The following SYBU variants were observed in gnomAD, a reference collection of about 807,000 sequenced individuals.
SYBU encodes the protein GOLSYN A protein.
In SYBU, 21 loss-of-function variants were observed where a neutral mutation model predicts 35.9. That is an observed-to-expected ratio of 0.58 (90% CI 0.41 to 0.84). SYBU has a LOEUF of 0.84. SYBU is among the 40% of genes least tolerant of loss of function. SYBU has a pLI of 0.00. For synonymous variants in SYBU, 319 were observed against 324.3 expected, an observed-to-expected ratio of 0.98 and a Z score of 0.18; for missense variants, 768 against 848.2, an observed-to-expected ratio of 0.91 and a Z score of 1.17.
At chr8:109,606,173 T>C (rs1317790021) in intron 3 of SYBU, among the ~76,000 whole-genome samples, 1 of 152,222 alleles carries the variant, frequency 6.6e-6, no homozygotes, top group Non-Finnish European at 1.5e-5. Context: ...ACATAGTAGA[T>C]TCTTAGTAAG....
At chr8:109,598,945 T>G (rs920966975) in intron 3 of SYBU, among the ~76,000 whole-genome samples, 1 of 152,184 alleles carries the variant, frequency 6.6e-6, no homozygotes, top group Non-Finnish European at 1.5e-5. Flanking sequence ...AGCCCTTATG[T>G]GGGGATCTGA....
chr8:109,677,366 G>C (rs1325627116), intron 1 of SYBU, among the ~76,000 whole-genome samples: 1 of 152,014 alleles, frequency 6.6e-6, no homozygotes, highest in East Asian at 1.9e-4. Flanking sequence ...TTAACAATTA[G>C]ACAAATTAAT....
chr8:109,690,358 C>T (rs567318150), intron 1 of SYBU, among the ~76,000 whole-genome samples: 3 of 152,346 alleles, frequency 2.0e-5, no homozygotes, highest in Admixed American at 6.5e-5. Flanking sequence ...AAAAGGCAAA[C>T]ATTCCTAACA....
chr8:109,621,585 A>G (rs1812406939), intron 2 of SYBU, among the ~76,000 whole-genome samples: 1 of 152,246 alleles, frequency 6.6e-6, no homozygotes, highest in Non-Finnish European at 1.5e-5. Context: ...TCATTGGTTA[A>G]ATGAATATGT....
intron 4 of SYBU, among the ~76,000 whole-genome samples, chr8:109,583,702 C>T (rs1823293633): frequency 6.6e-6 from 1 of 152,028 alleles, no homozygotes; most frequent in Non-Finnish European, 1.5e-5. Flanking sequence ...AGAGGAGCTG[C>T]CCCCCCATGC....
At chr8:109,686,506 T>C (rs1247296143) in intron 1 of SYBU, among the ~76,000 whole-genome samples, 1 of 152,168 alleles carries the variant, frequency 6.6e-6, no homozygotes, top group Non-Finnish European at 1.5e-5. Flanking sequence ...TTCCATACCA[T>C]TTAAAGTTAA....
chr8:109,618,858 T>C lies in SYBU; in HGVS notation c.411A>G (p.Ser137=), dbSNP rs1812114459. The change falls in exon 3 of 7, where the codon TCA becomes TCG. Residue 137 remains serine (S), a synonymous_variant. Coordinates refer to ENST00000276646, the MANE Select transcript of SYBU (RefSeq NM_001099754.2). ...QSSRYKKESK[S]GLVKPGSEAD... ...TTCACTGACCTGGTTTCACAAGGCC[T>C]GACTTTGATTCCTTCTTATATCGAG... is the stretch of plus-strand genomic sequence containing the variant. 1.2e-6 allele frequency: 2 copies of C among 1,614,058 alleles called. No individual in the cohort carries two copies. The highest frequency in any genetic ancestry group is 1.7e-6 in the Non-Finnish European group (2 of 1,179,994).
At chr8:109,577,095 C>A (rs1017400747) in intron 6 of SYBU, among the ~76,000 whole-genome samples, 4 of 152,102 alleles carry the variant, frequency 2.6e-5, no homozygotes, top group African/African-American at 9.7e-5. Context: ...CAGTCTGCAC[C>A]CTTACCTGCC....
chr8:109,684,386 T>C (rs1410013782), upstream of SYBU, among the ~76,000 whole-genome samples: 1 of 152,220 alleles, frequency 6.6e-6, no homozygotes, highest in African/African-American at 2.4e-5. Flanking sequence ...ACTTCATTAG[T>C]GGTAAGAGCT....
rs1181162350 is a variant in SYBU at position 109,574,137 on chromosome 8, TTG to T, written c.*767_*768del. On this transcript the variant is annotated 3_prime_UTR_variant, in exon 7 of 7. Coordinates refer to ENST00000276646, the MANE Select transcript of SYBU (RefSeq NM_001099754.2). ...ATAAAGATGTAAGATCTGCTATTCA[TTG>T]TCTTTCTTATACATAGAAGTAAAAT... 3 of 152,272 alleles carry T rather than the reference TTG, an allele frequency of 2.0e-5. No homozygotes were observed. The highest frequency in any genetic ancestry group is 4.4e-5 in the Non-Finnish European group (3 of 68,042). The allele number at this position is 152,272 out of a possible 1,614,324, so 9.4% of individuals were successfully genotyped here. A position where few individuals can be genotyped will look rare whatever the true frequency, so the allele number is the denominator to read the frequency against.
chr8:109,682,109 C>A (rs558473699), upstream of SYBU, among the ~76,000 whole-genome samples: 1 of 152,182 alleles, frequency 6.6e-6, no homozygotes, highest in Admixed American at 6.6e-5. Flanking sequence ...ATTAGCAGCA[C>A]GAGAATAGAC....
intron 1 of SYBU, among the ~76,000 whole-genome samples, chr8:109,664,538 T>C (rs1187076220): frequency 1.3e-5 from 2 of 152,274 alleles, no homozygotes; most frequent in Non-Finnish European, 2.9e-5. Flanking sequence ...TACTTTTTTT[T>C]CTCAGAAAAT....
intron 3 of SYBU, among the ~76,000 whole-genome samples, chr8:109,606,340 T>C (rs909111085): frequency 3.9e-5 from 6 of 152,250 alleles, no homozygotes; most frequent in African/African-American, 1.4e-4. Flanking sequence ...GTATGCCATA[T>C]GCCATTGATT....
intron 3 of SYBU, among the ~76,000 whole-genome samples, chr8:109,588,122 A>G (rs558532973): frequency 6.6e-6 from 1 of 152,360 alleles, no homozygotes; most frequent in South Asian, 2.1e-4. Context: ...AGTTACAGCC[A>G]TCAGGTTTAA....
chr8:109,611,525 G>A (rs1030895734), intron 3 of SYBU, among the ~76,000 whole-genome samples: 6 of 152,130 alleles, frequency 3.9e-5, no homozygotes, highest in African/African-American at 1.2e-4. Context: ...ACTATAAAAT[G>A]GCCTGCCATA....
At chr8:109,677,867 G>A (rs1320592200) in intron 1 of SYBU, among the ~76,000 whole-genome samples, 1 of 152,064 alleles carries the variant, frequency 6.6e-6, no homozygotes, top group Non-Finnish European at 1.5e-5. Context: ...AAGTCCGGGA[G>A]CTCACACCTG....
Position 109,670,612 on chromosome 8 carries a change from T to A in SYBU, c.-129+10099A>T, listed in dbSNP as rs181594913. 7.4e-3 allele frequency among the ~76,000 whole-genome samples: 1,127 copies of A among 152,248 alleles called. 7 individuals carry two copies. Among genetic ancestry groups the A allele is most frequent in the South Asian group, 0.017 (83 of 4,826 alleles). On this transcript the variant is annotated intron_variant, in intron 1 of 5. Coordinates refer to the SYBU transcript ENST00000408889. ...GTGTAATAATTTATGTTTTTGTGAA[T>A]ACTACTGAATGAAGATATAAATGGT...
At chr8:109,660,414 T>C (rs3108862) in intron 1 of SYBU, among the ~76,000 whole-genome samples, 47,350 of 152,092 alleles carry the variant, frequency 0.31, 8,706 homozygotes, top group East Asian at 0.52. Context: ...TTGGAGTTCA[T>C]GGCTGTTGTC....
At chr8:109,650,460 A>G (rs930908512) in intron 1 of SYBU, among the ~76,000 whole-genome samples, 3 of 152,224 alleles carry the variant, frequency 2.0e-5, no homozygotes, top group Admixed American at 6.5e-5. Flanking sequence ...GAGCACCCCC[A>G]GAGGCCAACC....
Sources: allele counts gnomAD v4.1 joint callset (sites outside exome capture counted in the v4.1 genomes callset), GRCh38; gene constraint gnomAD v4.1.1; transcripts MANE v1.5; gene names NCBI Gene and HGNC (gene_info 2026-07-23, HGNC 2026-07-21).